NELL1: variants seen among roughly 807,000 people sequenced by gnomAD.
NELL1 encodes neural EGFL like 1.
NELL1 carries 76 observed loss-of-function variants against 107.4 expected under a neutral mutation model. That is an observed-to-expected ratio of 0.71 (90% CI 0.59 to 0.86). The LOEUF (loss-of-function observed/expected upper bound fraction) is 0.86. NELL1 is among the 40% of genes least tolerant of loss of function. NELL1 has a pLI of 0.00. For missense variants in NELL1, 1,024 were observed against 1,005.5 expected, an observed-to-expected ratio of 1.02 and a Z score of -0.25; for synonymous variants, 353 against 341.2, an observed-to-expected ratio of 1.03 and a Z score of -0.38.
intron 2 of NELL1, among the ~76,000 whole-genome samples, chr11:20,693,973 C>T (rs1394571856): frequency 8.9e-5 from 13 of 145,782 alleles, no homozygotes; most frequent in Admixed American, 3.5e-4. Context: ...TTCTTGGAGG[C>T]TTTGTTCGTT....
chr11:21,071,498 A>C (rs182661561), intron 12 of NELL1, among the ~76,000 whole-genome samples: 1 of 152,216 alleles, frequency 6.6e-6, no homozygotes, highest in Non-Finnish European at 1.5e-5. Flanking sequence ...ACTACAAAGA[A>C]TATTTTGCGG....
intron 15 of NELL1, among the ~76,000 whole-genome samples, chr11:21,445,778 T>C (rs946869644): frequency 1.3e-5 from 2 of 152,244 alleles, no homozygotes; most frequent in African/African-American, 4.8e-5. Context: ...GGAAAACATT[T>C]ATTTTTCCTT....
At chr11:20,861,840 C>T (rs937922450) in intron 4 of NELL1, among the ~76,000 whole-genome samples, 7 of 152,208 alleles carry the variant, frequency 4.6e-5, no homozygotes, top group Admixed American at 3.3e-4. Flanking sequence ...ATGTGCTACC[C>T]TTGCCAAGTT....
At chr11:20,726,039 C>G (rs1029419733) in intron 2 of NELL1, among the ~76,000 whole-genome samples, 1 of 152,112 alleles carries the variant, frequency 6.6e-6, no homozygotes, top group Non-Finnish European at 1.5e-5. Flanking sequence ...GGATAGTGGC[C>G]TCCAGCTGCA....
intron 13 of NELL1, among the ~76,000 whole-genome samples, chr11:21,134,978 A>T (rs1855711687): frequency 6.6e-6 from 1 of 152,216 alleles, no homozygotes; most frequent in African/African-American, 2.4e-5. Context: ...AATCAGTGTA[A>T]AAGACCGAAT....
intron 14 of NELL1, among the ~76,000 whole-genome samples, chr11:21,324,978 C>T (rs1487322858): frequency 2.0e-5 from 3 of 152,050 alleles, no homozygotes; most frequent in Non-Finnish European, 4.4e-5. Flanking sequence ...AACCTCCCCC[C>T]ATCTTTGTTT....
At chr11:20,744,131 C>A (rs900197150) in intron 2 of NELL1, among the ~76,000 whole-genome samples, 1 of 152,182 alleles carries the variant, frequency 6.6e-6, no homozygotes, top group Non-Finnish European at 1.5e-5. Context: ...ACTATCATTT[C>A]TTGCTTAGAA....
intron 12 of NELL1, among the ~76,000 whole-genome samples, chr11:21,031,018 C>T (rs867712333): frequency 3.3e-5 from 5 of 152,010 alleles, no homozygotes; most frequent in East Asian, 1.9e-4. Context: ...CCATTGTGCA[C>T]GGCTTTTCTT....
intron 15 of NELL1, among the ~76,000 whole-genome samples, chr11:21,450,954 G>A (rs1466068714): frequency 1.3e-5 from 2 of 151,990 alleles, no homozygotes; most frequent in African/African-American, 4.8e-5. Flanking sequence ...ACTTTGGGAG[G>A]CCGAGGCGGG....
intron 14 of NELL1, among the ~76,000 whole-genome samples, chr11:21,240,364 G>C (rs1040505820): frequency 6.6e-6 from 1 of 151,952 alleles, no homozygotes; most frequent in African/African-American, 2.4e-5. Context: ...AGATGTGGGG[G>C]TATTAGTTAT....
chr11:21,366,416 T>C (rs144232700), intron 14 of NELL1, among the ~76,000 whole-genome samples: 5 of 152,290 alleles, frequency 3.3e-5, no homozygotes, highest in Admixed American at 3.3e-4. Context: ...AAATTAATTA[T>C]AACCTTTGGT....
chr11:21,157,038 G>A (rs1451668554), intron 13 of NELL1, among the ~76,000 whole-genome samples: 1 of 151,936 alleles, frequency 6.6e-6, no homozygotes, highest in African/African-American at 2.4e-5. Context: ...GGAGGCGGAG[G>A]CTGCAGTGAG....
chr11:21,539,785 G>T (rs974547370), intron 16 of NELL1, among the ~76,000 whole-genome samples: 4 of 151,600 alleles, frequency 2.6e-5, no homozygotes, highest in African/African-American at 9.7e-5. Context: ...ATAGGGTGTG[G>T]TGGGCCAAAA....
Position 20,722,317 on chromosome 11 carries a change from G to A in NELL1, c.184+44257G>A, listed in dbSNP as rs114965547. 3.3e-3 allele frequency among the ~76,000 whole-genome samples: 501 copies of A among 152,144 alleles called. 1 individual carries two copies. Among genetic ancestry groups the A allele is most frequent in the African/African-American group, 0.01 (425 of 41,516 alleles). ...ATTACAGGCATGAGCCACCATGCCC[G>A]GCCCTGAGTCTCCATTCCTCACCTC... On this transcript the variant is annotated intron_variant, in intron 2 of 19. Coordinates refer to ENST00000357134, the MANE Select transcript of NELL1 (RefSeq NM_006157.5).
intron 15 of NELL1, among the ~76,000 whole-genome samples, chr11:21,459,201 A>G: frequency 6.6e-6 from 1 of 151,922 alleles, no homozygotes; most frequent in Admixed American, 6.6e-5. Flanking sequence ...AGGATGAAAG[A>G]GTTGGTTTAA....
chr11:20,827,391 T>C (rs752302028), intron 3 of NELL1, among the ~76,000 whole-genome samples: 3 of 151,374 alleles, frequency 2.0e-5, no homozygotes, highest in Non-Finnish European at 4.4e-5. Context: ...TATTTCTCAT[T>C]GACGGTTTTA....
chr11:21,559,842 C>G (rs1199755746), intron 16 of NELL1, among the ~76,000 whole-genome samples: 2 of 151,992 alleles, frequency 1.3e-5, no homozygotes, highest in Non-Finnish European at 2.9e-5. Flanking sequence ...TAAGAATATC[C>G]TAAAAGAACT....
intron 15 of NELL1, among the ~76,000 whole-genome samples, chr11:21,426,487 G>A (rs1278536111): frequency 1.3e-5 from 2 of 152,078 alleles, no homozygotes; most frequent in African/African-American, 2.4e-5. Context: ...ATGAAAAGTG[G>A]GTATTTGAAA....
At chr11:20,951,893 G>T (rs1041591545) in intron 11 of NELL1, among the ~76,000 whole-genome samples, 1 of 152,090 alleles carries the variant, frequency 6.6e-6, no homozygotes, top group Admixed American at 6.5e-5. Context: ...AATGGATGTA[G>T]CAGGAGCCTG....
Sources: allele counts gnomAD v4.1 joint callset (sites outside exome capture counted in the v4.1 genomes callset), GRCh38; gene constraint gnomAD v4.1.1; transcripts MANE v1.5; gene names NCBI Gene and HGNC (gene_info 2026-07-23, HGNC 2026-07-21).